Variants in EVC observed in about 807,000 individuals in gnomAD.
The protein encoded by EVC is EvC ciliary complex subunit 1, also known as evC complex member EVC.
A neutral mutation model predicts 118.9 loss-of-function variants in EVC; 116 were observed. The observed-to-expected ratio is 0.98, with a 90% confidence interval of 0.84 to 1.14. The LOEUF is 1.14. Ranked by LOEUF, EVC falls within the 50% of genes most tolerant of loss-of-function variation. The pLI is 0.00. For missense variants in EVC, 1,401 were observed against 1,246.4 expected (o/e 1.12, Z -1.87); for synonymous variants, 619 against 534.7 (o/e 1.16, Z -2.18).
At chr4:5,769,757 G>A (rs1000785829) in intron 11 of EVC, among the ~76,000 whole-genome samples, 5 of 152,110 alleles carry the variant, frequency 3.3e-5, no homozygotes, top group South Asian at 2.1e-4. Context: ...CCTGTCATGC[G>A]GGGACTTCTC....
At chr4:5,822,676 A>T in the EVC span, among the ~76,000 whole-genome samples, 103 of 152,326 alleles carry the variant, frequency 6.8e-4, no homozygotes, top group Non-Finnish European at 7.9e-4. Context: ...GAAAGGTGGG[A>T]AGGATAGAGT....
intron 5 of EVC, among the ~76,000 whole-genome samples, chr4:5,736,310 C>T (rs1727672979): frequency 6.6e-6 from 1 of 152,106 alleles, no homozygotes; most frequent in Non-Finnish European, 1.5e-5. Flanking sequence ...CACATGCACA[C>T]ACATAAATGT....
intron 12 of EVC, among the ~76,000 whole-genome samples, chr4:5,790,690 T>C (rs1332890019): frequency 5.3e-5 from 8 of 152,204 alleles, no homozygotes; most frequent in Non-Finnish European, 8.8e-5. Flanking sequence ...CTCATTAGAA[T>C]GGGCTTTGTA....
intron 5 of EVC, among the ~76,000 whole-genome samples, 169 bp downstream of exon 5, chr4:5,733,604 A>C (rs1727197934): frequency 6.6e-6 from 1 of 152,188 alleles, no homozygotes; most frequent in African/African-American, 2.4e-5. Context: ...CACAAAATGG[A>C]AAAGCACTTC....
intron 11 of EVC, among the ~76,000 whole-genome samples, chr4:5,760,758 G>T (rs1019460222): frequency 2.6e-5 from 4 of 152,224 alleles, no homozygotes; most frequent in Admixed American, 2.6e-4. Context: ...CACCACGTTG[G>T]TCAGGCTGGT....
rs370347745 is a variant in EVC, at chr4:5,780,156, G to A, written c.1564-3396G>A. 2.6e-3 allele frequency among the ~76,000 whole-genome samples: 393 copies of A among 152,164 alleles called. 3 individuals carry two copies. The highest frequency in any genetic ancestry group is 3.5e-3 in the Non-Finnish European group (238 of 68,006). On this transcript the variant is annotated intron_variant, in intron 11 of 20. Transcript: ENST00000264956. ...TGCTGGATTACATTTATTGATTTGC[G>A]TATATTGAACCAGCCTTGCATCCCA...
In EVC at chr4:5,755,427, T is replaced by TGAAG. The variant is rs3841971; in HGVS notation, c.1465-834_1465-831dup. Among the ~76,000 whole-genome samples the TGAAG allele has an allele frequency of 0.25, 37,945 of 151,386 alleles. 4,955 individuals are homozygous for TGAAG. The highest frequency in any genetic ancestry group is 0.33 in the African/African-American group (13,380 of 40,908). On this transcript the variant is annotated intron_variant, in intron 10 of 20. Coordinates refer to ENST00000264956, the MANE Select transcript of EVC (RefSeq NM_153717.3). This position sits in a 1 kb window ranked among gnomAD's most constrained non-coding sequence, Gnocchi z 4.1. ...ATGGACAAATGGGCAAACGAGCGAA[T>TGAAG]GAAGGAGGATGGAATGGGTGGGAGA...
intron 7 of EVC, among the ~76,000 whole-genome samples, chr4:5,747,851 G>A (rs1484697822): frequency 6.6e-6 from 1 of 152,144 alleles, no homozygotes; most frequent in Admixed American, 6.5e-5. Flanking sequence ...TAGCTGTAAT[G>A]ACCTGTGCAA....
At chr4:5,828,725 T>C in the EVC span, 3 of 1,569,678 alleles carry the variant, frequency 1.9e-6, no homozygotes, top group African/African-American at 1.4e-5. Context: ...AAACGAGCTG[T>C]TCATAACAGC....
the EVC span, chr4:5,825,077 A>T: frequency 1.0e-6 from 1 of 985,428 alleles, no homozygotes. The surrounding 1 kb of genome is among the most constrained non-coding windows in gnomAD (Gnocchi z 4.4). Flanking sequence ...GAAAGTGCTT[A>T]GTACACTGCA....
intron 17 of EVC, 36 bp from the exon 18 acceptor site, chr4:5,808,149 CCCTCCCTCCCTTCCTT>C (rs2152386995): frequency 1.4e-6 from 1 of 709,714 alleles, no homozygotes; most frequent in Non-Finnish European, 2.5e-6. Context: ...CTCCCTCCCT[CCCTCCCTCCCTTCCTT>C]CCTCCCTGCC....
the EVC span, chr4:5,824,837 G>T: frequency 5.1e-6 from 5 of 985,230 alleles, no homozygotes; most frequent in African/African-American, 7.0e-5. Context: ...CAACGTGTGC[G>T]TGCCTGCCCT....
Position 5,742,611 on chromosome 4 carries a change from T to C in EVC, c.801+797T>C, listed in dbSNP as rs140442793. 1.3e-5 allele frequency among the ~76,000 whole-genome samples: 2 copies of C among 152,188 alleles called. No homozygotes were observed. The highest frequency in any genetic ancestry group is 4.8e-5 in the African/African-American group (2 of 41,452). On this transcript the variant is annotated intron_variant, in intron 6 of 20. Transcript: ENST00000264956. The surrounding 1 kb of genome is among the most constrained non-coding windows in gnomAD (Gnocchi z 5.2). ...ATCATCATCCTCATGACCGCTGTCA[T>C]CACCAACACCATCACCATCCTCATG...
intron 5 of EVC, 118 bp from the exon 6 acceptor site, chr4:5,741,598 A>G (rs1323035536): frequency 3.1e-6 from 2 of 642,304 alleles, no homozygotes; most frequent in African/African-American, 3.6e-5. Context: ...AGGGTGAAAG[A>G]GAAGAAAAGA....
rs1011373102 is a variant in EVC, at chr4:5,754,858, C to T, written c.1464+925C>T. ...CCCAGCCTCACTGTTTGCCTGGGTC[C>T]GCCTGCCCTCCGTCAACACTTGGTA... On this transcript the variant is annotated intron_variant, in intron 10 of 20. Coordinates refer to ENST00000264956, the MANE Select transcript of EVC (RefSeq NM_153717.3). The surrounding 1 kb of genome is among the most constrained non-coding windows in gnomAD (Gnocchi z 5.8). Among the ~76,000 whole-genome samples the T allele has an allele frequency of 6.6e-6, 1 of 152,088 alleles. No individual in the cohort carries two copies. The highest frequency in any genetic ancestry group is 2.4e-5 in the African/African-American group (1 of 41,422).
intron 12 of EVC, among the ~76,000 whole-genome samples, chr4:5,792,037 T>G (rs1330495449): frequency 6.6e-6 from 1 of 152,198 alleles, no homozygotes; most frequent in African/African-American, 2.4e-5. Flanking sequence ...AATATGTGAC[T>G]TCCAAGGTAG....
Position 5,754,571 on chromosome 4 carries a change from C to T in EVC, c.1464+638C>T, listed in dbSNP as rs537895518. Among the ~76,000 whole-genome samples the T allele has an allele frequency of 2.9e-4, 44 of 152,238 alleles. No individual in the cohort carries two copies. The highest frequency in any genetic ancestry group is 1.0e-3 in the African/African-American group (43 of 41,558). ...CAGAGAGACCACCGAGCTCTGGTTT[C>T]GCTCTGCTTGCTTTCACTAGTAATG... On this transcript the variant is annotated intron_variant, in intron 10 of 20. Coordinates refer to ENST00000264956, the MANE Select transcript of EVC (RefSeq NM_153717.3). This position sits in a 1 kb window ranked among gnomAD's most constrained non-coding sequence, Gnocchi z 5.8.
intron 5 of EVC, among the ~76,000 whole-genome samples, chr4:5,736,302 CAT>C (rs1553868520): frequency 2.8e-4 from 42 of 151,808 alleles, no homozygotes; most frequent in South Asian, 8.4e-4. Context: ...CACACACACA[CAT>C]GCACACACAT....
chr4:5,775,870 T>C lies in EVC; in HGVS notation c.1564-7682T>C, dbSNP rs1266218213. Among the ~76,000 whole-genome samples the C allele has an allele frequency of 2.0e-5, 3 of 152,212 alleles. 1 individual carries two copies. Among genetic ancestry groups the C allele is most frequent in the African/African-American group, 7.2e-5 (3 of 41,432 alleles). On this transcript the variant is annotated intron_variant, in intron 11 of 20. Coordinates refer to ENST00000264956, the MANE Select transcript of EVC (RefSeq NM_153717.3). ...TTGATTAAGATTTGGAATTTATAGGTCAATTTGAGGAGAATTAATGTGTTT... is the reference window on the plus strand; with the variant it reads ...TTGATTAAGATTTGGAATTTATAGGCCAATTTGAGGAGAATTAATGTGTTT...
Sources: gnomAD v4.1 joint callset for allele counts (sites outside exome capture counted in the v4.1 genomes callset) on GRCh38, gnomAD v4.1.1 for gene constraint, Gnocchi (gnomAD v3.1) non-coding constraint, MANE v1.5 for transcripts, NCBI Gene and HGNC (gene_info 2026-07-23, HGNC 2026-07-21) for gene names.